Variants in PCDHA3 observed in about 807,000 individuals in gnomAD.
PCDHA3 encodes protocadherin alpha-3.
In PCDHA3, 41 loss-of-function variants were observed where a neutral mutation model predicts 62.2. That is an observed-to-expected ratio of 0.66 (90% CI 0.51 to 0.86). The LOEUF is 0.86. Among genes scored for constraint, PCDHA3 ranks in the 40% least tolerant of loss-of-function variants. The pLI, the probability that PCDHA3 is intolerant of heterozygous loss-of-function variation, is 0.00. For synonymous variants in PCDHA3, 640 were observed against 555.4 expected (o/e 1.15, Z -2.14); for missense variants, 1,304 against 1,241.2 (o/e 1.05, Z -0.76).
chr5:140,839,493 G>A (rs2150298182), intron 1 of PCDHA3, among the ~76,000 whole-genome samples: 3 of 151,922 alleles, frequency 2.0e-5, no homozygotes, highest in Non-Finnish European at 4.4e-5. Context: ...GGGCTCAAGT[G>A]ATCTTCCTAC....
rs2150126265 is a variant in PCDHA3 at position 140,823,483 on chromosome 5, G to A, written c.2394+19892G>A. ...GCCGGCGCTGCTGGTGCCTCGAGTG[G>A]GTGGCACCGGCGGCGCAGTGAGCGA... On this transcript the variant is annotated intron_variant, in intron 1 of 3. Coordinates refer to ENST00000522353, the MANE Select transcript of PCDHA3 (RefSeq NM_018906.3). 3 of 1,613,434 alleles carry A rather than the reference G, an allele frequency of 1.9e-6. No individual in the cohort carries two copies. The South Asian group carries it at 3.3e-5, about 18-fold the overall frequency.
intron 1 of PCDHA3, chr5:140,843,594 T>G: frequency 6.3e-7 from 1 of 1,595,928 alleles, no homozygotes; most frequent in Middle Eastern, 1.7e-4. Context: ...CCGCAGAGGG[T>G]GTGCTCTGGT....
chr5:140,843,209 G>A, intron 1 of PCDHA3: 2 of 1,596,078 alleles, frequency 1.3e-6, no homozygotes, highest in African/African-American at 2.7e-5. Context: ...GTACACGGGC[G>A]AGATCAGCAC....
intron 1 of PCDHA3, chr5:140,810,078 A>G (rs998487712): frequency 6.5e-6 from 1 of 153,876 alleles, no homozygotes; most frequent in Non-Finnish European, 1.4e-5. Flanking sequence ...AACGTTATCT[A>G]ATTGGACTTG....
intron 1 of PCDHA3, chr5:140,822,072 G>C: frequency 6.2e-7 from 1 of 1,614,228 alleles, no homozygotes; most frequent in South Asian, 1.1e-5. Context: ...GGCGGAGGGC[G>C]GAGTGCAGCA....
intron 1 of PCDHA3, among the ~76,000 whole-genome samples, chr5:140,872,352 C>T (rs568415263): frequency 7.2e-5 from 11 of 152,170 alleles, no homozygotes; most frequent in African/African-American, 2.7e-4. Context: ...TCTTGCCAGG[C>T]AAAGTGGTTC....
At chr5:140,993,218 T>C (rs534348907) in intron 3 of PCDHA3, among the ~76,000 whole-genome samples, 1 of 152,330 alleles carries the variant, frequency 6.6e-6, no homozygotes, top group East Asian at 1.9e-4. Flanking sequence ...TTTAGCTTTT[T>C]GGTATGTTCT....
intron 3 of PCDHA3, among the ~76,000 whole-genome samples, chr5:140,999,527 C>G (rs578180518): frequency 6.6e-6 from 1 of 152,088 alleles, no homozygotes; most frequent in Non-Finnish European, 1.5e-5. Context: ...TTGTTACCCC[C>G]TGGATATGAC....
rs1203215461 is a variant in PCDHA3 at position 140,841,541 on chromosome 5, C to A, written c.2394+37950C>A. The stretch of plus-strand genomic sequence containing the variant: ...GGTGGCGTCCAAAAGACACCGGGAC[C>A]TTCTGGAGGTAAGTCTGCAGAATGG... On this transcript the variant is annotated intron_variant, in intron 1 of 3. Transcript: ENST00000522353. 1 of 1,613,604 alleles carries A rather than the reference C, an allele frequency of 6.2e-7. No individual in the cohort carries two copies. The highest frequency in any genetic ancestry group is 8.5e-7 in the Non-Finnish European group (1 of 1,180,002).
chr5:140,966,786 G>A (rs1554228650), intron 1 of PCDHA3: 2 of 1,526,000 alleles, frequency 1.3e-6, no homozygotes, highest in Admixed American at 1.9e-5. Context: ...GCGGGCACCA[G>A]ACCTGCGGCG....
At chr5:140,869,380 G>A (rs1315666503) in intron 1 of PCDHA3, 1 of 1,614,046 alleles carries the variant, frequency 6.2e-7, no homozygotes, top group African/African-American at 1.3e-5. Context: ...GATCGACCGC[G>A]AGGAGCTGTG....
chr5:140,921,942 C>G (rs1025333030), intron 1 of PCDHA3, among the ~76,000 whole-genome samples: 3 of 151,730 alleles, frequency 2.0e-5, no homozygotes, highest in Non-Finnish European at 4.4e-5. Context: ...TAATTTTACA[C>G]TTGTAAAATC....
At chr5:140,858,548 T>A in intron 1 of PCDHA3, 1 of 1,394,090 alleles carries the variant, frequency 7.2e-7, no homozygotes, top group African/African-American at 1.4e-5. Flanking sequence ...ATTCCATTTA[T>A]GCTTGAATAT....
chr5:140,986,634 A>C (rs1587175680), intron 3 of PCDHA3, among the ~76,000 whole-genome samples: 3 of 152,202 alleles, frequency 2.0e-5, no homozygotes, highest in South Asian at 2.1e-4. Flanking sequence ...GCAACAGTAC[A>C]TTAGTTTTAG....
Position 141,009,928 on chromosome 5 carries a change from T to C in PCDHA3, c.2844T>C (p.Ser948=), listed in dbSNP as rs373891102. The change falls in exon 4 of 4, where the codon AGT becomes AGC. Residue 948 remains serine (S), a synonymous_variant. Transcript: ENST00000522353. The stretch of plus-strand genomic sequence containing the variant: ...AAGGGAACAGCACGACTGACAACAG[T>C]GACCAGTGAGGTCCTCAAATGGAAA... ...KEKGNSTTDN[S]DQ is the part of the protein sequence containing the mutation. 3 of 1,607,808 alleles carry C rather than the reference T, an allele frequency of 1.9e-6. No homozygotes were observed. The highest frequency in any genetic ancestry group is 2.5e-6 in the Non-Finnish European group (3 of 1,178,138).
intron 1 of PCDHA3, chr5:140,871,489 G>T: frequency 1.3e-6 from 2 of 1,590,138 alleles, no homozygotes; most frequent in Non-Finnish European, 1.7e-6. Flanking sequence ...AAATCACCCC[G>T]GACAGGTGAG....
At chr5:140,852,799 C>A in intron 1 of PCDHA3, 3 of 976,698 alleles carry the variant, frequency 3.1e-6, no homozygotes, top group Non-Finnish European at 3.7e-6. Context: ...CTACAGATGT[C>A]ATTTGTCTCC....
chr5:140,937,219 T>A (rs555881657), intron 1 of PCDHA3, among the ~76,000 whole-genome samples: 4 of 151,838 alleles, frequency 2.6e-5, no homozygotes, highest in East Asian at 3.9e-4. Context: ...TTGTATTTTT[T>A]GTAGAGACGG....
chr5:140,897,970 G>A (rs561364842), intron 1 of PCDHA3, among the ~76,000 whole-genome samples: 10 of 152,210 alleles, frequency 6.6e-5, no homozygotes, highest in Admixed American at 2.6e-4. Context: ...TGTGTCTTTT[G>A]GCTGCATAAA....
Sources: gnomAD v4.1 joint callset for allele counts (sites outside exome capture counted in the v4.1 genomes callset) on GRCh38, gnomAD v4.1.1 for gene constraint, MANE v1.5 for transcripts, NCBI Gene and HGNC (gene_info 2026-07-23, HGNC 2026-07-21) for gene names.